GRIK3: variants seen among roughly 807,000 people sequenced by gnomAD.
GRIK3 encodes glutamate ionotropic receptor kainate type subunit 3.
Under a neutral mutation model 102.5 loss-of-function variants are expected in GRIK3, and 29 were observed. That is an observed-to-expected ratio of 0.28 (90% CI 0.21 to 0.39). The LOEUF (loss-of-function observed/expected upper bound fraction) is 0.39, where lower values mean the gene tolerates loss of function less well. GRIK3 is among the 10% of genes least tolerant of loss of function. GRIK3 has a pLI of 1.00. For synonymous variants in GRIK3, 511 were observed against 504.9 expected (o/e 1.01, Z -0.16); for missense variants, 908 against 1,252.4 (o/e 0.73, Z 4.15).
chr1:36,819,587 G>A lies in GRIK3; in HGVS notation c.1873+149C>T, dbSNP rs1642674827. 2 of 620,092 alleles carry A rather than the reference G, an allele frequency of 3.2e-6. No homozygotes were observed. The highest frequency in any genetic ancestry group is 1.9e-5 in the South Asian group (1 of 53,190). 38.4% of individuals were successfully genotyped at this position (620,092 alleles called of 1,614,324 possible). ...GTCTGGGGCAAGGGCACACACCTGG[G>A]TATCTCGATGTCTCCAAACTTCTGC... On this transcript the variant is annotated intron_variant, in intron 12 of 15. Transcript: ENST00000373091. This position sits in a 1 kb window ranked among gnomAD's most constrained non-coding sequence, Gnocchi z 4.1.
chr1:36,847,681 G>A (rs957771119), intron 9 of GRIK3, among the ~76,000 whole-genome samples: 3 of 152,218 alleles, frequency 2.0e-5, no homozygotes, highest in Non-Finnish European at 4.4e-5. Flanking sequence ...AGTAGGTGCA[G>A]TTATTAACAC....
At chr1:36,910,402 A>G (rs1355576650) in intron 1 of GRIK3, among the ~76,000 whole-genome samples, 1 of 152,238 alleles carries the variant, frequency 6.6e-6, no homozygotes, top group African/African-American at 2.4e-5. Context: ...TGTTCTGATC[A>G]GGGTTCTCTT....
intron 14 of GRIK3, among the ~76,000 whole-genome samples, 160 bp downstream of exon 14, chr1:36,805,936 CAAAAAAAA>C (rs749853809): frequency 9.5e-5 from 3 of 31,606 alleles, no homozygotes; most frequent in Non-Finnish European, 1.9e-4. Context: ...AACTCCACCT[CAAAAAAAA>C]AAAAAAAAAA....
chr1:36,862,517 G>C (rs1165240049), intron 5 of GRIK3, among the ~76,000 whole-genome samples: 1 of 152,182 alleles, frequency 6.6e-6, no homozygotes, highest in Non-Finnish European at 1.5e-5. Context: ...TCTGTGTTTT[G>C]AGAAGCCACT....
chr1:36,968,274 G>A (rs1642102068), intron 1 of GRIK3, among the ~76,000 whole-genome samples: 1 of 143,348 alleles, frequency 7.0e-6, no homozygotes, highest in African/African-American at 2.6e-5. Flanking sequence ...TGTCTTCTTT[G>A]TTTCCCTCTG....
rs1182495315 is a variant in GRIK3 at position 36,796,022 on chromosome 1, G to C, written c.*5829C>G. Reference sequence around the variant, plus strand: ...CCATGATCCCTACGGAACCAAGACAGGATGCTCCTCATGGGGCTGGAGTCA... The same window carrying C: ...CCATGATCCCTACGGAACCAAGACACGATGCTCCTCATGGGGCTGGAGTCA... On this transcript the variant is annotated 3_prime_UTR_variant, in exon 16 of 16. Coordinates refer to ENST00000373091, the MANE Select transcript of GRIK3 (RefSeq NM_000831.4). The C allele has an allele frequency of 1.3e-5, 2 of 152,396 alleles. No individual in the cohort carries two copies. The highest frequency in any genetic ancestry group is 4.8e-5 in the African/African-American group (2 of 41,472). The allele number at this position is 152,396 out of a possible 1,614,324, so 9.4% of individuals were successfully genotyped here. A position where few individuals can be genotyped will look rare whatever the true frequency, so the allele number is the denominator to read the frequency against.
chr1:36,884,703 A>G (rs1420807485), intron 2 of GRIK3, among the ~76,000 whole-genome samples: 1 of 152,000 alleles, frequency 6.6e-6, no homozygotes, highest in Non-Finnish European at 1.5e-5. Context: ...GTCCCACTAT[A>G]TTATCTGTCT....
At chr1:36,945,988 G>C (rs112515873) in intron 1 of GRIK3, among the ~76,000 whole-genome samples, 7 of 152,326 alleles carry the variant, frequency 4.6e-5, no homozygotes, top group African/African-American at 1.4e-4. Context: ...GGAAATCTCT[G>C]TCCAAGGTGA....
chr1:37,015,047 G>T (rs541021359), intron 1 of GRIK3, among the ~76,000 whole-genome samples: 1 of 151,914 alleles, frequency 6.6e-6, no homozygotes, highest in Admixed American at 6.6e-5. Flanking sequence ...TTCATTCAGG[G>T]GTTAAAATAG....
At chr1:36,962,816 G>C (rs371146903) in intron 1 of GRIK3, among the ~76,000 whole-genome samples, 1 of 150,796 alleles carries the variant, frequency 6.6e-6, no homozygotes, top group South Asian at 2.1e-4. Context: ...CCCGGGAGGC[G>C]GAGGTTGCAG....
At chr1:36,933,428 G>T (rs1641619204) in intron 1 of GRIK3, among the ~76,000 whole-genome samples, 1 of 152,186 alleles carries the variant, frequency 6.6e-6, no homozygotes, top group Admixed American at 6.5e-5. Context: ...AAACCTAATG[G>T]TAACTATGTA....
intron 11 of GRIK3, among the ~76,000 whole-genome samples, chr1:36,821,687 A>G (rs1466235148): frequency 6.6e-6 from 1 of 152,198 alleles, no homozygotes; most frequent in African/African-American, 2.4e-5. Context: ...CTAGAAGGCA[A>G]TGGGATTCCA....
chr1:36,944,889 C>A (rs1030131787), intron 1 of GRIK3, among the ~76,000 whole-genome samples: 1 of 152,208 alleles, frequency 6.6e-6, no homozygotes, highest in Middle Eastern at 3.2e-3. Context: ...GTCTAGCGAA[C>A]AGTGGCTTGT....
intron 1 of GRIK3, among the ~76,000 whole-genome samples, chr1:36,941,420 G>A (rs1570811316): frequency 1.3e-5 from 2 of 152,208 alleles, no homozygotes; most frequent in Non-Finnish European, 2.9e-5. Context: ...TTGATGGAAT[G>A]TCAGGGAAAG....
At chr1:36,890,801 G>T in intron 2 of GRIK3, 119 bp downstream of exon 2, 1 of 709,810 alleles carries the variant, frequency 1.4e-6, no homozygotes. Flanking sequence ...CCCAAACCAG[G>T]TAGAAAAGGC....
rs768248343 is a variant in GRIK3, at chr1:36,805,010, G to A, written c.2542C>T (p.Arg848Cys). 4.3e-6 allele frequency: 7 copies of A among 1,614,074 alleles called. No individual in the cohort carries two copies. The highest frequency in any genetic ancestry group is 4.5e-5 in the East Asian group (2 of 44,866). Reference sequence around the variant, plus strand: ...ACCTGCTCTCTCTCTGCTGTTTTGCGGAGCTTGTACACAAACTCGCCCACG... The same window carrying A: ...ACCTGCTCTCTCTCTGCTGTTTTGCAGAGCTTGTACACAAACTCGCCCACG... ...VAVGEFVYKLRKTAEREQRSF... is the reference protein window; with the variant it reads ...VAVGEFVYKLCKTAEREQRSF... The change falls in exon 15 of 16, where the codon CGC becomes TGC. Residue 848 changes from arginine to cysteine, a missense_variant. Physicochemically the swap from Arg to Cys is radical, Grantham distance 180. This residue lies in a region of GRIK3 where 297 missense variants were observed against 362.7 expected (regional missense o/e 0.82). Coordinates refer to ENST00000373091, the MANE Select transcript of GRIK3 (RefSeq NM_000831.4).
At chr1:36,965,386 T>C (rs1013253801) in intron 1 of GRIK3, among the ~76,000 whole-genome samples, 3 of 152,150 alleles carry the variant, frequency 2.0e-5, no homozygotes, top group Non-Finnish European at 4.4e-5. Flanking sequence ...AATAACATCT[T>C]AACACAGAGG....
intron 1 of GRIK3, among the ~76,000 whole-genome samples, chr1:36,930,405 T>C (rs557764467): frequency 6.6e-6 from 1 of 152,258 alleles, no homozygotes; most frequent in African/African-American, 2.4e-5. Flanking sequence ...ACCTCTTCAA[T>C]CCCTTGACCT....
At chr1:36,869,708 T>C in intron 5 of GRIK3, 40 bp downstream of exon 5, 1 of 1,437,604 alleles carries the variant, frequency 7.0e-7, no homozygotes, top group Non-Finnish European at 9.8e-7. Flanking sequence ...TCCATGAGAG[T>C]CCCACCCCTT....
Sources: allele counts gnomAD v4.1 joint callset (sites outside exome capture counted in the v4.1 genomes callset), GRCh38; gene constraint gnomAD v4.1.1; regional missense constraint gnomAD v4.1.1; non-coding constraint Gnocchi (gnomAD v3.1); transcripts MANE v1.5; gene names NCBI Gene and HGNC (gene_info 2026-07-23, HGNC 2026-07-21).